Variants in DDX46 observed in about 807,000 individuals in gnomAD.
DDX46 encodes the protein probable ATP-dependent RNA helicase DDX46.
A neutral mutation model predicts 134.9 loss-of-function variants in DDX46; 30 were observed. The observed-to-expected ratio is 0.22, with a 90% CI of 0.17 to 0.30. DDX46 has a LOEUF of 0.30. DDX46 is among the 10% of genes least tolerant of loss of function. DDX46 has a pLI of 1.00. For synonymous variants in DDX46, 415 were observed against 404.1 expected, an observed-to-expected ratio of 1.03 and a Z score of -0.32; for missense variants, 622 against 1,248.7, an observed-to-expected ratio of 0.50 and a Z score of 7.56.
chr5:134,782,171 T>C, intron 8 of DDX46, 85 bp downstream of exon 8: 1 of 1,316,364 alleles, frequency 7.6e-7, no homozygotes. Flanking sequence ...GTGGATAGTG[T>C]CTCATGAAGG....
rs1753523550 is a variant in DDX46 at position 134,765,100 on chromosome 5, A to C, written c.206+1008A>C. ...TATTTTTTTTTTGAGACAGAGTCTC[A>C]CTCTGTCACCCAGGCTGGAGTGCAG... On this transcript the variant is annotated intron_variant, in intron 2 of 22. Transcript: ENST00000452510. Among the ~76,000 whole-genome samples the C allele has an allele frequency of 3.4e-5, 5 of 145,532 alleles. No homozygotes were observed. The South Asian group carries it at 1.1e-3, about 32-fold the overall frequency.
rs1461244396 is a variant in DDX46, at chr5:134,811,317, T to C, written c.2245T>C (p.Leu749=). ...GTCAGGGACTGCAGTACCTCCTGAT[T>C]TAGAGAAACTGTGGAGTGATTTCAA... is the stretch of plus-strand genomic sequence containing the variant. The part of the protein sequence containing the change: ...ELSGTAVPPD[L]EKLWSDFKDQ... The change falls in exon 17 of 23, where the codon TTA becomes CTA. Residue 749 remains leucine (L), a synonymous_variant. Coordinates refer to ENST00000452510, the MANE Select transcript of DDX46 (RefSeq NM_001300860.2). 6.2e-7 allele frequency: 1 copy of C among 1,614,092 alleles called. No homozygotes were observed. Among genetic ancestry groups the C allele is most frequent in the East Asian group, 2.2e-5 (1 of 44,852 alleles).
chr5:134,777,592 C>T lies in DDX46; in HGVS notation c.632C>T (p.Ala211Val). The change falls in exon 6 of 23, where the codon GCA becomes GTA. Residue 211 changes from alanine (A) to valine (V), a missense_variant. Transcript: ENST00000452510. ...ATTTTAGATGACGAAGATGATCCTG[C>T]AGAAGCTGAAAAGGAGGGAAATGAA... is the stretch of plus-strand genomic sequence containing the variant. ...EDDDDDEDDP[A>V]EAEKEGNEME... 1.2e-6 allele frequency: 2 copies of T among 1,612,648 alleles called. No individual in the cohort carries two copies. The highest frequency in any genetic ancestry group is 1.7e-6 in the Non-Finnish European group (2 of 1,179,782).
chr5:134,803,491 A>G (rs1017092669), intron 15 of DDX46, among the ~76,000 whole-genome samples: 4 of 152,048 alleles, frequency 2.6e-5, no homozygotes, highest in Non-Finnish European at 4.4e-5. Context: ...GGTTTTTCTT[A>G]TAAGACTGAG....
chr5:134,775,314 G>A (rs1753900331), intron 5 of DDX46, among the ~76,000 whole-genome samples: 1 of 152,250 alleles, frequency 6.6e-6, no homozygotes, highest in African/African-American at 2.4e-5. Flanking sequence ...TGACTTTCGA[G>A]ATTTTAGTAA....
intron 3 of DDX46, among the ~76,000 whole-genome samples, chr5:134,767,541 A>G (rs967514171): frequency 5.9e-5 from 9 of 151,980 alleles, no homozygotes; most frequent in African/African-American, 1.7e-4. Flanking sequence ...GGGTTTTGGC[A>G]TGTTTGCCAG....
chr5:134,799,495 T>G (rs111893584), intron 15 of DDX46, among the ~76,000 whole-genome samples: 107 of 151,538 alleles, frequency 7.1e-4, no homozygotes, highest in African/African-American at 2.4e-3. Flanking sequence ...CCCAGCACTT[T>G]GGGAGGTTGA....
At chr5:134,813,035 A>C (rs1350119523) in intron 18 of DDX46, among the ~76,000 whole-genome samples, 1 of 151,680 alleles carries the variant, frequency 6.6e-6, no homozygotes, top group Admixed American at 6.6e-5. Context: ...TCTGCCTCTC[A>C]GGTTCAAGTG....
chr5:134,800,513 T>G (rs1754794523), intron 15 of DDX46, among the ~76,000 whole-genome samples: 1 of 152,176 alleles, frequency 6.6e-6, no homozygotes, highest in South Asian at 2.1e-4. Flanking sequence ...AGTATTTTGG[T>G]TGCTTTAGCC....
chr5:134,794,869 A>G lies in DDX46; in HGVS notation c.1646A>G (p.Asn549Ser), dbSNP rs1754603588. 1.2e-6 allele frequency: 2 copies of G among 1,614,154 alleles called. No individual in the cohort carries two copies. Among genetic ancestry groups the G allele is most frequent in the Non-Finnish European group, 1.7e-6 (2 of 1,180,014 alleles). Reference sequence around the variant, plus strand: ...TCTCAGGTCATGCGCATCGTGGATAATGTTCGTCCTGATCGACAGACGGTT... The same window carrying G: ...TCTCAGGTCATGCGCATCGTGGATAGTGTTCGTCCTGATCGACAGACGGTT... ...FEPQVMRIVD[N>S]VRPDRQTVMF... Residue 549 changes from asparagine to serine, a missense_variant, in exon 14 of 23, where the codon AAT (asparagine) becomes AGT (serine). Around this residue, in one of 8 missense-constraint regions of DDX46, gnomAD observed 209 missense variants for 508.4 expected, o/e 0.41. Coordinates refer to ENST00000452510, the MANE Select transcript of DDX46 (RefSeq NM_001300860.2).
chr5:134,758,927 G>T lies in DDX46; in HGVS notation c.-12G>T. On this transcript the variant is annotated 5_prime_UTR_variant, in exon 1 of 23. Coordinates refer to ENST00000452510, the MANE Select transcript of DDX46 (RefSeq NM_001300860.2). ...GGTACTCAAGGGCACCAGTATTCCC[G>T]CGGTCGGCAGCATGGGTCGGGAGTC... 6.2e-7 allele frequency: 1 copy of T among 1,613,308 alleles called. No homozygotes were observed.
At chr5:134,766,877 C>T (rs1753584817) in intron 2 of DDX46, 40 bp from the exon 3 acceptor site, 1 of 1,585,466 alleles carries the variant, frequency 6.3e-7, no homozygotes, top group Non-Finnish European at 8.6e-7. Context: ...ATAGTAGCTC[C>T]ATTTGGTCAT....
intron 21 of DDX46, among the ~76,000 whole-genome samples, chr5:134,824,222 T>G (rs1420458279): frequency 6.6e-6 from 1 of 152,238 alleles, no homozygotes; most frequent in East Asian, 1.9e-4. Context: ...TAACGTCTAA[T>G]TTTTATAATA....
intron 21 of DDX46, 43 bp downstream of exon 21, chr5:134,819,047 G>A (rs776901275): frequency 1.9e-6 from 3 of 1,599,044 alleles, no homozygotes; most frequent in Admixed American, 3.5e-5. Context: ...TTTAGATCAA[G>A]GTTGATGTAG....
rs79622265 is a variant in DDX46, at chr5:134,758,823, G to A, written c.-116G>A. On this transcript the variant is annotated 5_prime_UTR_variant, in exon 1 of 23. Transcript: ENST00000452510. Reference sequence around the variant, plus strand: ...TGGGATGGCCGCCACAGCTGTAGGTGCTGCTAGTGTTTAGCGCTGGTCTTT... The same window carrying A: ...TGGGATGGCCGCCACAGCTGTAGGTACTGCTAGTGTTTAGCGCTGGTCTTT... 2 of 1,507,186 alleles carry A rather than the reference G, an allele frequency of 1.3e-6. No homozygotes were observed. The highest frequency in any genetic ancestry group is 2.3e-5 in the East Asian group (1 of 44,188). 93.4% of individuals were successfully genotyped at this position (1,507,186 alleles called of 1,614,324 possible).
In DDX46 at chr5:134,764,000, A is replaced by G. The variant is rs776629855; in HGVS notation, c.114A>G (p.Arg38=). 1.2e-6 allele frequency: 2 copies of G among 1,614,216 alleles called. No homozygotes were observed. The highest frequency in any genetic ancestry group is 4.5e-5 in the East Asian group (2 of 44,888). ...AAAGAAGTAAACGTGGAGATGACAG[A>G]CGGTCTAGAAGTAGAGATAGAGATA... ...SDKRSKRGDD[R]RSRSRDRDRR... Residue 38 remains arginine (R), a synonymous_variant, in exon 2 of 23, where the codon AGA becomes AGG. Transcript: ENST00000452510.
chr5:134,773,539 T>C (rs1398634845), intron 4 of DDX46, among the ~76,000 whole-genome samples, 157 bp from the exon 5 acceptor site: 2 of 152,224 alleles, frequency 1.3e-5, no homozygotes, highest in South Asian at 2.1e-4. Context: ...TATAAAGGTA[T>C]GTGATCTAAG....
At chr5:134,808,464 G>A (rs1187710694) in intron 16 of DDX46, among the ~76,000 whole-genome samples, 1 of 152,010 alleles carries the variant, frequency 6.6e-6, no homozygotes, top group Non-Finnish European at 1.5e-5. Context: ...GGTTGTATAG[G>A]TACTCAAAGT....
chr5:134,801,327 T>C (rs1754822032), intron 15 of DDX46, among the ~76,000 whole-genome samples: 3 of 152,030 alleles, frequency 2.0e-5, no homozygotes, highest in Non-Finnish European at 2.9e-5. Context: ...CTTTTTGCAG[T>C]TGGCTTTTTT....
Sources: gnomAD v4.1 joint callset for allele counts (sites outside exome capture counted in the v4.1 genomes callset) on GRCh38, gnomAD v4.1.1 for gene constraint, gnomAD v4.1.1 regional missense constraint, MANE v1.5 for transcripts, NCBI Gene and HGNC (gene_info 2026-07-23, HGNC 2026-07-21) for gene names.